The following CPLANE2 variants were observed in gnomAD, a reference collection of about 807,000 sequenced individuals.
CPLANE2 encodes the protein ciliogenesis and planar polarity effector 2.
CPLANE2 carries 24 observed loss-of-function variants against 20.9 expected under a neutral mutation model. The observed-to-expected ratio is 1.15, with a 90% CI of 0.83 to 1.61. The LOEUF is 1.61. Among genes scored for constraint, CPLANE2 ranks in the 40% most tolerant of loss-of-function variants. The pLI, the probability that CPLANE2 is intolerant of heterozygous loss-of-function variation, is 0.00. For missense variants in CPLANE2, 330 were observed against 355.1 expected (o/e 0.93, Z 0.57); for synonymous variants, 132 against 144.3 (o/e 0.92, Z 0.61).
Position 16,232,930 on chromosome 1 carries a change from C to T in CPLANE2, c.353G>A (p.Gly118Glu), listed in dbSNP as rs759436560. 4 of 1,614,178 alleles carry T rather than the reference C, an allele frequency of 2.5e-6. No homozygotes were observed. The South Asian group carries it at 4.4e-5, about 18-fold the overall frequency. Residue 118 changes from glycine (G) to glutamate (E), a missense_variant, in exon 3 of 5, where the codon GGA becomes GAA. Gly to Glu is a moderately conservative substitution (Grantham distance 98). Coordinates refer to ENST00000375599, the MANE Select transcript of CPLANE2 (RefSeq NM_030907.4). ...VMFRFEFWDC[G>E]ESALKKFDHM... ...ATCGAACTTTTTGAGTGCAGACTCTCCACAGTCCCAGAACTCAAAACGAAA... is the reference window on the plus strand; with the variant it reads ...ATCGAACTTTTTGAGTGCAGACTCTTCACAGTCCCAGAACTCAAAACGAAA...
intron 3 of CPLANE2, 83 bp downstream of exon 3, chr1:16,232,810 T>A (rs1218203850): frequency 2.5e-6 from 4 of 1,580,410 alleles, no homozygotes; most frequent in Non-Finnish European, 3.5e-6. Context: ...CAGTGCCAGC[T>A]CAGGTCTCTG....
chr1:16,233,039 C>A, intron 2 of CPLANE2, 22 bp from the exon 3 acceptor site: 3 of 1,613,720 alleles, frequency 1.9e-6, no homozygotes, highest in Non-Finnish European at 2.5e-6. Context: ...CCAGGGTCAG[C>A]CACTCACCAT....
intron 2 of CPLANE2, among the ~76,000 whole-genome samples, chr1:16,233,234 C>T (rs2081438529): frequency 6.6e-6 from 1 of 152,178 alleles, no homozygotes; most frequent in South Asian, 2.1e-4. Context: ...GAAGATGCAG[C>T]CCTAGCTATG....
chr1:16,235,841 C>T (rs554410294), intron 1 of CPLANE2, among the ~76,000 whole-genome samples: 19 of 152,046 alleles, frequency 1.2e-4, no homozygotes, highest in Admixed American at 3.3e-4. Context: ...CCACCACGTC[C>T]GGCTAATTTT....
rs2081432515 is a variant in CPLANE2, at chr1:16,232,750, C to T, written c.391-104G>A. ...TTTCACAGATTGGGAAACTGAGGCC[C>T]AGAGCAAGGAGCGGCTGGTCCTAGG... On this transcript the variant is annotated intron_variant, in intron 3 of 4. Transcript: ENST00000375599. 8 of 1,571,032 alleles carry T rather than the reference C, an allele frequency of 5.1e-6. No homozygotes were observed. In the South Asian group the frequency reaches 6.0e-5, roughly 12 times the overall value.
chr1:16,236,758 C>T lies in CPLANE2; in HGVS notation c.-16G>A. On this transcript the variant is annotated 5_prime_UTR_variant, in exon 1 of 5. Coordinates refer to ENST00000375599, the MANE Select transcript of CPLANE2 (RefSeq NM_030907.4). Reference sequence around the variant, plus strand: ...GTCTGGCCATGGCTGGGCACCGCGACGGGGTAGGGAGGTGACAGAATGCTG... The same window carrying T: ...GTCTGGCCATGGCTGGGCACCGCGATGGGGTAGGGAGGTGACAGAATGCTG... 1 of 1,534,528 alleles carries T rather than the reference C, an allele frequency of 6.5e-7. No individual in the cohort carries two copies. The highest frequency in any genetic ancestry group is 8.8e-7 in the Non-Finnish European group (1 of 1,132,026).
intron 1 of CPLANE2, 85 bp downstream of exon 1, chr1:16,236,546 C>T (rs1275610006): frequency 1.9e-6 from 2 of 1,074,588 alleles, no homozygotes; most frequent in Non-Finnish European, 2.8e-6. Flanking sequence ...CCCTGCCTCT[C>T]TGCTCTCCTC....
chr1:16,236,970 C>T lies in CPLANE2; in HGVS notation c.-228G>A, dbSNP rs2081470465. ...AGGGTATTCACACAGCCCCTCTCCCCTTGTCACCTCCGGGGGTCAGACAGC... is the reference window on the plus strand; with the variant it reads ...AGGGTATTCACACAGCCCCTCTCCCTTTGTCACCTCCGGGGGTCAGACAGC... On this transcript the variant is annotated 5_prime_UTR_variant, in exon 1 of 5. Coordinates refer to ENST00000375599, the MANE Select transcript of CPLANE2 (RefSeq NM_030907.4). 1 of 502,718 alleles carries T rather than the reference C, an allele frequency of 2.0e-6. No homozygotes were observed. The highest frequency in any genetic ancestry group is 3.3e-5 in the Admixed American group (1 of 30,324). The allele number at this position is 502,718 out of a possible 1,614,324, so 31.1% of individuals were successfully genotyped here. A position where few individuals can be genotyped will look rare whatever the true frequency, so the allele number is the denominator to read the frequency against.
intron 1 of CPLANE2, 89 bp downstream of exon 1, chr1:16,236,542 C>T (rs1230615388): frequency 1.9e-6 from 2 of 1,028,368 alleles, no homozygotes; most frequent in Non-Finnish European, 3.0e-6. Context: ...ACTGCCCTGC[C>T]TCTCTGCTCT....
intron 1 of CPLANE2, among the ~76,000 whole-genome samples, chr1:16,236,201 C>G (rs1441402955): frequency 1.3e-5 from 2 of 152,194 alleles, no homozygotes; most frequent in Non-Finnish European, 2.9e-5. Context: ...TGGGGAACAC[C>G]AGCGTCTCAT....
Position 16,232,137 on chromosome 1 carries a change from T to A in CPLANE2, c.688A>T (p.Ile230Leu), listed in dbSNP as rs1270967145. Residue 230 changes from isoleucine (I) to leucine (L), a missense_variant, in exon 5 of 5, where the codon ATA (isoleucine) becomes TTA (leucine). Coordinates refer to ENST00000375599, the MANE Select transcript of CPLANE2 (RefSeq NM_030907.4). ...AGCTGCTCAGCAAGGCCATTGAGTA[T>A]GTGGGCAACGTCGGCCAGCCCAGCC... ...GRAGLADVAH[I>L]LNGLAEQLWH... is the part of the protein sequence containing the mutation. The A allele has an allele frequency of 1.9e-6, 3 of 1,613,474 alleles. No individual in the cohort carries two copies.
In CPLANE2 at chr1:16,231,814, C is replaced by A; in HGVS notation, c.*234G>T. On this transcript the variant is annotated 3_prime_UTR_variant, in exon 5 of 5. Transcript: ENST00000375599. ...TCCCAGTCATCCTCCATCGGTGCTG[C>A]CAAAGGGGGAAAGGCCACGGGAGAT... 1.7e-6 allele frequency: 1 copy of A among 595,384 alleles called. No individual in the cohort carries two copies. Among genetic ancestry groups the A allele is most frequent in the Non-Finnish European group, 2.9e-6 (1 of 341,848 alleles). 36.9% of individuals were successfully genotyped at this position (595,384 alleles called of 1,614,324 possible). A position where few individuals can be genotyped will look rare whatever the true frequency, so the allele number is the denominator to read the frequency against.
In CPLANE2 at chr1:16,233,020, G is replaced by A; in HGVS notation, c.266-3C>T. 6.2e-7 allele frequency: 1 copy of A among 1,614,094 alleles called. No individual in the cohort carries two copies. Among genetic ancestry groups the A allele is most frequent in the Non-Finnish European group, 8.5e-7 (1 of 1,179,980 alleles). ...AAATACCACGGTGGTCTGGATGCCT[G>A]AGGGGGAGCCAGGGTCAGCCACTCA... On this transcript the variant is annotated splice_region_variant and splice_polypyrimidine_tract_variant and intron_variant, in intron 2 of 4. Transcript: ENST00000375599.
rs902562373 is a variant in CPLANE2, at chr1:16,236,720, C to A, written c.23G>T (p.Gly8Val). 1.3e-6 allele frequency: 2 copies of A among 1,557,786 alleles called. No homozygotes were observed. Among genetic ancestry groups the A allele is most frequent in the African/African-American group, 2.7e-5 (2 of 73,692 alleles). Reference protein sequence around the residue: MARPPVPGSVVVPNWHES... With the variant: MARPPVPVSVVVPNWHES... ...GTGCCAGTTTGGGACAACCACCGAA[C>A]CGGGCACGGGAGGTCTGGCCATGGC... is the stretch of plus-strand genomic sequence containing the variant. The change falls in exon 1 of 5, where the codon GGT becomes GTT. Residue 8 changes from glycine to valine, a missense_variant. Coordinates refer to ENST00000375599, the MANE Select transcript of CPLANE2 (RefSeq NM_030907.4).
At chr1:16,234,656 G>A (rs1033290429) in intron 1 of CPLANE2, among the ~76,000 whole-genome samples, 9 of 152,118 alleles carry the variant, frequency 5.9e-5, no homozygotes, top group African/African-American at 2.2e-4. Flanking sequence ...GGGACTACAA[G>A]GCATGAGCCA....
rs201824991 is a variant in CPLANE2, at chr1:16,232,508, A to G, written c.527+2T>C. 8.7e-6 allele frequency: 14 copies of G among 1,613,596 alleles called. No homozygotes were observed. In the Admixed American group the frequency reaches 1.2e-4, roughly 13 times the overall value. ...GACTTGCCAAGGATATCCAAAGGAT[A>G]CTTGGAGCCGATGACCATCCTGACG... On this transcript the variant is annotated splice_donor_variant, in intron 4 of 4. Transcript: ENST00000375599. LOFTEE classifies it high-confidence loss of function.
At chr1:16,235,690 T>G (rs2081459436) in intron 1 of CPLANE2, among the ~76,000 whole-genome samples, 1 of 150,582 alleles carries the variant, frequency 6.6e-6, no homozygotes, top group African/African-American at 2.5e-5. Context: ...TTTTTTTTTT[T>G]TTTTTTTGAG....
rs1281827216 is a variant in CPLANE2, at chr1:16,232,931, C to A, written c.352G>T (p.Gly118Ter). The change falls in exon 3 of 5, where the codon GGA becomes TGA. Residue 118 changes from glycine to a stop codon, truncating the protein, a stop_gained. Transcript: ENST00000375599. LOFTEE classifies it high-confidence loss of function. ...VMFRFEFWDC[G>*]ESALKKFDHM... is the part of the protein sequence containing the mutation. ...TCGAACTTTTTGAGTGCAGACTCTC[C>A]ACAGTCCCAGAACTCAAAACGAAAC... 3.7e-6 allele frequency: 6 copies of A among 1,614,222 alleles called. No individual in the cohort carries two copies. In the South Asian group the frequency reaches 6.6e-5, roughly 18 times the overall value.
At position 16,236,771 on chromosome 1, in the gene CPLANE2, T is replaced by C; in HGVS notation, c.-29A>G. 2.7e-6 allele frequency: 4 copies of C among 1,487,768 alleles called. No homozygotes were observed. The highest frequency in any genetic ancestry group is 3.7e-6 in the Non-Finnish European group (4 of 1,090,950). The allele number at this position is 1,487,768 out of a possible 1,614,324, so 92.2% of individuals were successfully genotyped here. ...TGGGCACCGCGACGGGGTAGGGAGG[T>C]GACAGAATGCTGAGAGCAGGGAGTG... is the stretch of plus-strand genomic sequence containing the variant. On this transcript the variant is annotated 5_prime_UTR_variant, in exon 1 of 5. Transcript: ENST00000375599.
Sources: allele counts gnomAD v4.1 joint callset (sites outside exome capture counted in the v4.1 genomes callset), GRCh38; gene constraint gnomAD v4.1.1; transcripts MANE v1.5; gene names NCBI Gene and HGNC (gene_info 2026-07-23, HGNC 2026-07-21).